DNAH7: variants seen among roughly 807,000 people sequenced by gnomAD.
DNAH7 encodes the protein axonemal beta dynein heavy chain 7.
In DNAH7, 397 loss-of-function variants were observed where a neutral mutation model predicts 444.6. The observed-to-expected ratio is 0.89, with a 90% CI of 0.82 to 0.97. DNAH7 has a LOEUF of 0.97. DNAH7 is among the 50% of genes least tolerant of loss of function. The pLI is 0.00. For missense variants in DNAH7, 4,902 were observed against 4,800.8 expected (o/e 1.02, Z -0.62); for synonymous variants, 1,636 against 1,624.4 (o/e 1.01, Z -0.17).
intron 12 of DNAH7, among the ~76,000 whole-genome samples, chr2:195,990,797 GTGTGTGTGTGTGTGTA>G (rs1297816363): frequency 3.5e-5 from 5 of 143,744 alleles, no homozygotes; most frequent in Admixed American, 7.1e-5. Context: ...GTGTGTGTGT[GTGTGTGTGTGTGTGTA>G]TATATATATA....
chr2:195,854,384 T>G (rs1054235688), intron 45 of DNAH7, among the ~76,000 whole-genome samples: 4 of 152,210 alleles, frequency 2.6e-5, no homozygotes, highest in African/African-American at 9.6e-5. Flanking sequence ...GCTTGTGCTT[T>G]TTACTAATGT....
chr2:195,894,844 T>G (rs1702213442), intron 30 of DNAH7, 132 bp downstream of exon 30: 1 of 954,712 alleles, frequency 1.0e-6, no homozygotes, highest in Non-Finnish European at 1.4e-6. Flanking sequence ...TTTCTAAAAC[T>G]TTATTTTCTC....
chr2:195,945,589 G>T (rs1423174113), intron 19 of DNAH7, among the ~76,000 whole-genome samples: 4 of 152,162 alleles, frequency 2.6e-5, no homozygotes, highest in African/African-American at 9.7e-5. Flanking sequence ...CAGAAAGTCA[G>T]ATGTAGAGAG....
At chr2:195,987,280 T>C in intron 13 of DNAH7, 87 bp from the exon 14 acceptor site, 3 of 985,086 alleles carry the variant, frequency 3.0e-6, no homozygotes, top group Non-Finnish European at 4.3e-6. Context: ...ATTTTTATTT[T>C]TGTGTGTGAT....
chr2:195,821,730 C>T (rs1697482703), intron 49 of DNAH7, among the ~76,000 whole-genome samples: 1 of 152,156 alleles, frequency 6.6e-6, no homozygotes, highest in Non-Finnish European at 1.5e-5. Context: ...AAATCAGAAG[C>T]CAACTTGGTG....
At chr2:195,931,916 G>GT (rs1183201966) in intron 21 of DNAH7, among the ~76,000 whole-genome samples, 3 of 152,004 alleles carry the variant, frequency 2.0e-5, no homozygotes, top group African/African-American at 7.3e-5. Flanking sequence ...GCTCTTTTTT[G>GT]GTTCCATATG....
intron 61 of DNAH7, among the ~76,000 whole-genome samples, chr2:195,757,765 C>A (rs1216098008): frequency 6.6e-6 from 1 of 152,202 alleles, no homozygotes; most frequent in Non-Finnish European, 1.5e-5. Flanking sequence ...ACCAGACATA[C>A]ACTGCACAAT....
rs564218237 is a variant in DNAH7 at position 196,017,270 on chromosome 2, C to T, written c.869+1900G>A. ...CCTTGTGATCCACCCACCTCGGCTTCCCAAAGTGCTGGAAGTACGGGCGTG... is the reference window on the plus strand; with the variant it reads ...CCTTGTGATCCACCCACCTCGGCTTTCCAAAGTGCTGGAAGTACGGGCGTG... On this transcript the variant is annotated intron_variant, in intron 9 of 64. Coordinates refer to ENST00000312428, the MANE Select transcript of DNAH7 (RefSeq NM_018897.3). 5.3e-5 allele frequency among the ~76,000 whole-genome samples: 8 copies of T among 152,310 alleles called. No homozygotes were observed. In the East Asian group the frequency reaches 1.4e-3, roughly 26 times the overall value.
chr2:195,775,823 C>T (rs958632499), intron 60 of DNAH7, 23 bp downstream of exon 60: 3 of 1,602,580 alleles, frequency 1.9e-6, no homozygotes, highest in Middle Eastern at 1.7e-4. Flanking sequence ...CCTCAGAATC[C>T]AGGTCCTATA....
In DNAH7 at chr2:195,799,569, AGC is replaced by A; in HGVS notation, c.10177-99_10177-98del. 3 of 1,089,888 alleles carry A rather than the reference AGC, an allele frequency of 2.8e-6. No homozygotes were observed. The South Asian group carries it at 8.0e-5, about 29-fold the overall frequency. The allele number at this position is 1,089,888 out of a possible 1,614,324, so 67.5% of individuals were successfully genotyped here. On this transcript the variant is annotated intron_variant, in intron 54 of 64. Coordinates refer to ENST00000312428, the MANE Select transcript of DNAH7 (RefSeq NM_018897.3). Reference sequence around the variant, plus strand: ...AAGGAGTTTTAAAACAAAATACCCTAGCTCTATTAGTTTAGGTATTCATTAAT... The same window carrying A: ...AAGGAGTTTTAAAACAAAATACCCTATCTATTAGTTTAGGTATTCATTAAT...
chr2:195,858,663 C>A lies in DNAH7; in HGVS notation c.7878G>T (p.Met2626Ile). Residue 2626 changes from methionine (M) to isoleucine (I), a missense_variant, in exon 43 of 65, where the codon ATG (methionine) becomes ATT (isoleucine). Physicochemically the swap from Met to Ile is conservative, Grantham distance 10 (BLOSUM62 1). Transcript: ENST00000312428. ...LKVASKEVDE[M>I]MIMIEKESVE... The stretch of plus-strand genomic sequence containing the variant: ...CAGACTCTTTCTCAATCATTATCAT[C>A]ATTTCATCAACCTCTTTGCTAGCAA... 1 of 1,614,064 alleles carries A rather than the reference C, an allele frequency of 6.2e-7. No individual in the cohort carries two copies. The highest frequency in any genetic ancestry group is 8.5e-7 in the Non-Finnish European group (1 of 1,179,958).
intron 11 of DNAH7, among the ~76,000 whole-genome samples, chr2:196,001,264 AC>A (rs1439985473): frequency 1.3e-5 from 2 of 152,158 alleles, no homozygotes; most frequent in African/African-American, 4.8e-5. Context: ...CCTCATGGTA[AC>A]TTTCTCCAGC....
At chr2:196,061,548 C>CT (rs1698135048) in intron 1 of DNAH7, among the ~76,000 whole-genome samples, 2 of 152,190 alleles carry the variant, frequency 1.3e-5, no homozygotes, top group Admixed American at 1.3e-4. Context: ...CTGGTACCAT[C>CT]CTTGATTCCT....
chr2:195,738,801 G>A (rs1692811072), intron 64 of DNAH7, among the ~76,000 whole-genome samples: 1 of 152,060 alleles, frequency 6.6e-6, no homozygotes, highest in Non-Finnish European at 1.5e-5. Flanking sequence ...TATTTTTCTG[G>A]AGTGGAAGTA....
chr2:196,043,970 T>C (rs1289331188), intron 5 of DNAH7, among the ~76,000 whole-genome samples: 2 of 152,116 alleles, frequency 1.3e-5, no homozygotes, highest in Non-Finnish European at 2.9e-5. Context: ...TGTAAACTAC[T>C]ACGACTACTA....
At chr2:195,744,018 A>C (rs1693215476) in intron 63 of DNAH7, among the ~76,000 whole-genome samples, 1 of 152,222 alleles carries the variant, frequency 6.6e-6, no homozygotes, top group African/African-American at 2.4e-5. Context: ...GGTGCAGGAC[A>C]GTGGGTGCAG....
chr2:195,884,426 G>A (rs886670544), intron 35 of DNAH7, among the ~76,000 whole-genome samples, 159 bp downstream of exon 35: 2 of 152,174 alleles, frequency 1.3e-5, no homozygotes, highest in East Asian at 1.9e-4. Context: ...CTCAAACCTA[G>A]AGGTGTCTGA....
At chr2:195,742,907 T>G (rs1485148706) in intron 63 of DNAH7, among the ~76,000 whole-genome samples, 2 of 152,224 alleles carry the variant, frequency 1.3e-5, no homozygotes, top group Admixed American at 1.3e-4. Context: ...CAAAATATTA[T>G]TCCTGGGTGT....
At chr2:196,023,561 G>C (rs1048974925) in intron 8 of DNAH7, among the ~76,000 whole-genome samples, 2 of 152,200 alleles carry the variant, frequency 1.3e-5, no homozygotes, top group Non-Finnish European at 2.9e-5. Context: ...TTACGGAACT[G>C]AAGAGAGTTA....
Sources: gnomAD v4.1 joint callset for allele counts (sites outside exome capture counted in the v4.1 genomes callset) on GRCh38, gnomAD v4.1.1 for gene constraint, MANE v1.5 for transcripts, NCBI Gene and HGNC (gene_info 2026-07-23, HGNC 2026-07-21) for gene names.